The following PHC3 variants were observed in gnomAD, a reference collection of about 807,000 sequenced individuals.
The protein encoded by PHC3 is polyhomeotic-like protein 3.
Under a neutral mutation model 107.4 loss-of-function variants are expected in PHC3, and 13 were observed. That is an observed-to-expected ratio of 0.12 (90% confidence interval 0.08 to 0.19). PHC3 has a LOEUF of 0.19. Ranked by LOEUF, PHC3 falls within the 10% of genes least tolerant of loss-of-function variation. The pLI, the probability that PHC3 is intolerant of heterozygous loss-of-function variation, is 1.00. For missense variants in PHC3, 992 were observed against 1,210.9 expected, an observed-to-expected ratio of 0.82 and a Z score of 2.68; for synonymous variants, 456 against 427.4, an observed-to-expected ratio of 1.07 and a Z score of -0.83.
rs62295783 is a variant in PHC3, at chr3:170,165,999, C to T, written c.414+5374G>A. 1.0e-4 allele frequency among the ~76,000 whole-genome samples: 15 copies of T among 147,200 alleles called. No homozygotes were observed. In the East Asian group the frequency reaches 3.0e-3, roughly 29 times the overall value. On this transcript the variant is annotated intron_variant, in intron 4 of 14. Transcript: ENST00000495893. ...AAGAAATTAAAAAAAAAAAAAAAGG[C>T]TCCCCAAAGAAACAGAATATATAAA...
chr3:170,123,007 T>C (rs947780369), intron 8 of PHC3, among the ~76,000 whole-genome samples: 2 of 152,184 alleles, frequency 1.3e-5, no homozygotes, highest in Admixed American at 1.3e-4. Context: ...TAGTCAAGTC[T>C]GAAAATATTT....
chr3:170,123,571 C>T (rs369924998), intron 8 of PHC3, among the ~76,000 whole-genome samples: 2 of 151,974 alleles, frequency 1.3e-5, no homozygotes, highest in East Asian at 2.0e-4. Context: ...GGTGGATCAC[C>T]GGAGGTCAGG....
intron 8 of PHC3, among the ~76,000 whole-genome samples, chr3:170,125,290 G>A (rs907957747): frequency 7.2e-5 from 11 of 152,120 alleles, no homozygotes; most frequent in Admixed American, 5.9e-4. Flanking sequence ...TCTAAAAAGT[G>A]TCTGGGGGGT....
intron 2 of PHC3, 50 bp from the exon 3 acceptor site, chr3:170,172,762 C>T: frequency 6.5e-7 from 1 of 1,539,624 alleles, no homozygotes; most frequent in Non-Finnish European, 8.8e-7. Context: ...CAACCTTTAT[C>T]TTAATCAGAA....
intron 10 of PHC3, among the ~76,000 whole-genome samples, chr3:170,115,996 G>C (rs1297671963): frequency 6.6e-6 from 1 of 151,586 alleles, no homozygotes; most frequent in East Asian, 1.9e-4. Context: ...GACTCAAAAG[G>C]CCTTCAAAAA....
At chr3:170,143,989 GT>G (rs1293886332) in intron 6 of PHC3, among the ~76,000 whole-genome samples, 6 of 151,994 alleles carry the variant, frequency 3.9e-5, no homozygotes, top group South Asian at 2.1e-4. Context: ...TAAACATCAT[GT>G]TTTTTAAGAT....
At chr3:170,170,591 AAT>A (rs1177941448) in intron 4 of PHC3, 1 of 152,170 alleles carries the variant, frequency 6.6e-6, no homozygotes, top group East Asian at 1.9e-4. Flanking sequence ...GTTCTTAGGA[AAT>A]ACACATCAAA....
At chr3:170,119,057 A>G (rs1250124212) in intron 9 of PHC3, among the ~76,000 whole-genome samples, 1 of 146,984 alleles carries the variant, frequency 6.8e-6, no homozygotes, top group Non-Finnish European at 1.5e-5. Flanking sequence ...AAAAAAAAAG[A>G]AAAAGAAAAG....
intron 2 of PHC3, among the ~76,000 whole-genome samples, chr3:170,174,278 A>T (rs59895856): frequency 0.31 from 46,461 of 151,912 alleles, 7,153 homozygotes; most frequent in East Asian, 0.49. Context: ...AATTTAAAAA[A>T]TTTTTAAATG....
intron 12 of PHC3, among the ~76,000 whole-genome samples, chr3:170,103,771 G>C (rs1715929973): frequency 6.6e-6 from 1 of 152,196 alleles, no homozygotes; most frequent in African/African-American, 2.4e-5. Flanking sequence ...AATACCCTGA[G>C]CCAGGCCCAG....
chr3:170,119,775 T>C (rs1329051526), intron 9 of PHC3, among the ~76,000 whole-genome samples: 1 of 151,864 alleles, frequency 6.6e-6, no homozygotes, highest in Non-Finnish European at 1.5e-5. Context: ...GAATCTCAGA[T>C]GGAAACAAGT....
intron 4 of PHC3, among the ~76,000 whole-genome samples, chr3:170,165,894 A>G (rs1728672504): frequency 6.6e-6 from 1 of 150,654 alleles, no homozygotes; most frequent in African/African-American, 2.4e-5. Flanking sequence ...CTTGAGCCCA[A>G]GTGTTGGAGG....
chr3:170,121,530 A>C (rs966881365), intron 9 of PHC3, among the ~76,000 whole-genome samples: 1 of 152,228 alleles, frequency 6.6e-6, no homozygotes, highest in Non-Finnish European at 1.5e-5. Context: ...ATGGTTAAGC[A>C]CAAGAACTTT....
At chr3:170,145,795 C>T (rs1237379676) in intron 5 of PHC3, among the ~76,000 whole-genome samples, 3 of 152,160 alleles carry the variant, frequency 2.0e-5, no homozygotes, top group Non-Finnish European at 4.4e-5. Context: ...ATATGAAATT[C>T]TCAGACCAAA....
At chr3:170,141,504 A>G (rs1271455025) in intron 6 of PHC3, among the ~76,000 whole-genome samples, 2 of 152,208 alleles carry the variant, frequency 1.3e-5, no homozygotes, top group Non-Finnish European at 1.5e-5. Flanking sequence ...TGTTTTCTTC[A>G]TGAGTACCAG....
chr3:170,153,436 C>G (rs1726341075), intron 4 of PHC3, among the ~76,000 whole-genome samples: 1 of 152,136 alleles, frequency 6.6e-6, no homozygotes, highest in Non-Finnish European at 1.5e-5. Flanking sequence ...GCCAGATAAT[C>G]TTTCCCTGAT....
At chr3:170,107,625 T>C (rs1018411988) in intron 11 of PHC3, among the ~76,000 whole-genome samples, 22 of 152,170 alleles carry the variant, frequency 1.4e-4, no homozygotes, top group African/African-American at 5.1e-4. Context: ...AAGATGCATA[T>C]ATCTAATTAT....
rs1284180148 is a variant in PHC3, at chr3:170,088,220, T to C, written c.*9010A>G. Reference sequence around the variant, plus strand: ...CTTTGTTCATCCTGGGTGGATCATCTTTTGAGGTTTTAATAATATGAAAGT... The same window carrying C: ...CTTTGTTCATCCTGGGTGGATCATCCTTTGAGGTTTTAATAATATGAAAGT... On this transcript the variant is annotated 3_prime_UTR_variant, in exon 15 of 15. Transcript: ENST00000495893. 6.6e-6 allele frequency: 1 copy of C among 152,218 alleles called. No homozygotes were observed. Among genetic ancestry groups the C allele is most frequent in the African/African-American group, 2.4e-5 (1 of 41,474 alleles). 9.4% of individuals were successfully genotyped at this position (152,218 alleles called of 1,614,324 possible).
rs554412805 is a variant in PHC3 at position 170,114,691 on chromosome 3, A to G, written c.2194-1172T>C. On this transcript the variant is annotated intron_variant, in intron 10 of 14. Transcript: ENST00000495893. ...TATTTTAGAAGTATTTTCAACAAAA[A>G]CAACTCAGATCAAATATATTCATTG... 2.0e-5 allele frequency among the ~76,000 whole-genome samples: 3 copies of G among 152,336 alleles called. No individual in the cohort carries two copies. In the East Asian group the frequency reaches 5.8e-4, roughly 29 times the overall value.
Sources: allele counts gnomAD v4.1 joint callset (sites outside exome capture counted in the v4.1 genomes callset), GRCh38; gene constraint gnomAD v4.1.1; transcripts MANE v1.5; gene names NCBI Gene and HGNC (gene_info 2026-07-23, HGNC 2026-07-21).